The following GAS7 variants were observed in gnomAD, a reference collection of about 807,000 sequenced individuals.
The protein encoded by GAS7 is growth arrest-specific protein 7.
GAS7 carries 28 observed loss-of-function variants against 71.1 expected under a neutral mutation model. The observed-to-expected ratio is 0.39, with a 90% confidence interval of 0.29 to 0.54. The LOEUF (loss-of-function observed/expected upper bound fraction) is 0.54. Ranked by LOEUF, GAS7 falls within the 20% of genes least tolerant of loss-of-function variation. The pLI is 0.62. For synonymous variants in GAS7, 258 were observed against 245.8 expected (o/e 1.05, Z -0.46); for missense variants, 436 against 627.8 (o/e 0.69, Z 3.27).
At chr17:10,029,185 C>G (rs1234841261) in intron 1 of GAS7, among the ~76,000 whole-genome samples, 1 of 152,222 alleles carries the variant, frequency 6.6e-6, no homozygotes, top group African/African-American at 2.4e-5. Context: ...TCAAACTTCT[C>G]TGTAGCCACA....
chr17:10,117,855 G>GA (rs1289253785), intron 1 of GAS7, among the ~76,000 whole-genome samples: 1 of 152,152 alleles, frequency 6.6e-6, no homozygotes, highest in African/African-American at 2.4e-5. Context: ...GATCTGTTTT[G>GA]CAAGAAGGGC....
chr17:10,110,950 G>A (rs572756772), intron 1 of GAS7, among the ~76,000 whole-genome samples: 2 of 152,262 alleles, frequency 1.3e-5, no homozygotes, highest in South Asian at 4.1e-4. Flanking sequence ...TTCTATACAT[G>A]CAACCAAATA....
chr17:10,147,836 A>C (rs1415819160), intron 1 of GAS7, among the ~76,000 whole-genome samples: 1 of 152,194 alleles, frequency 6.6e-6, no homozygotes, highest in Non-Finnish European at 1.5e-5. Context: ...ATTTTTTAAA[A>C]CGGTGTGAAC....
rs550886930 is a variant in GAS7, at chr17:9,969,163, A to T, written c.471+514T>A. 8.0e-4 allele frequency among the ~76,000 whole-genome samples: 122 copies of T among 152,338 alleles called. 4 individuals carry two copies. The highest frequency in any genetic ancestry group is 9.7e-4 in the Non-Finnish European group (66 of 68,032). ...ACGCCTAACTCACATGTTTGCATAA[A>T]CATCAAGTAGGATGGAGACTGAGAA... On this transcript the variant is annotated intron_variant, in intron 4 of 13. Transcript: ENST00000432992. This position sits in a 1 kb window ranked among gnomAD's most constrained non-coding sequence, Gnocchi z 5.5.
chr17:10,014,056 C>T (rs1166440018), intron 2 of GAS7, among the ~76,000 whole-genome samples: 2 of 152,178 alleles, frequency 1.3e-5, no homozygotes, highest in African/African-American at 4.8e-5. Context: ...TAAGTCACAC[C>T]GTAGCCATCC....
Position 9,919,709 on chromosome 17 carries a change from G to GA in GAS7, c.1139-5dup, listed in dbSNP as rs1475835171. 2 of 1,607,892 alleles carry GA rather than the reference G, an allele frequency of 1.2e-6. No individual in the cohort carries two copies. The highest frequency in any genetic ancestry group is 2.2e-5 in the South Asian group (2 of 90,948). ...ACACAGCGCATGAGGTCGTCTCCTGGAAAAAGACCACAGTCACCATCATGA... is the reference window on the plus strand; with the variant it reads ...ACACAGCGCATGAGGTCGTCTCCTGGAAAAAAGACCACAGTCACCATCATGA... On this transcript the variant is annotated splice_polypyrimidine_tract_variant and splice_region_variant and intron_variant, in intron 11 of 13. Transcript: ENST00000432992. This position sits in a 1 kb window ranked among gnomAD's most constrained non-coding sequence, Gnocchi z 5.0.
intron 1 of GAS7, among the ~76,000 whole-genome samples, chr17:10,040,077 C>T (rs1024904875): frequency 2.6e-5 from 4 of 152,156 alleles, no homozygotes; most frequent in Non-Finnish European, 5.9e-5. Context: ...TCACTTTGGA[C>T]CAGGCGCTGT....
chr17:9,965,268 C>T lies in GAS7; in HGVS notation c.471+4409G>A, dbSNP rs181288214. ...TACAACAGCAAAGACTTGGAACCAA[C>T]CCAAATGCCCATCAATGATAGACTA... On this transcript the variant is annotated intron_variant, in intron 4 of 13. Transcript: ENST00000432992. 1.1e-3 allele frequency among the ~76,000 whole-genome samples: 160 copies of T among 146,980 alleles called. 2 individuals carry two copies. Among genetic ancestry groups the T allele is most frequent in the African/African-American group, 3.7e-3 (148 of 39,850 alleles).
Position 10,005,128 on chromosome 17 carries a change from A to T in GAS7, c.304+14649T>A, listed in dbSNP as rs1208349846. Among the ~76,000 whole-genome samples, 871 of 106,364 alleles carry T rather than the reference A, an allele frequency of 8.2e-3. 10 individuals carry two copies. The highest frequency in any genetic ancestry group is 0.065 in the East Asian group (275 of 4,254). 69.8% of individuals were successfully genotyped at this position (106,364 alleles called of 152,430 possible). ...ATGTGTGTGCGTGTGCACGCATACC[A>T]GCATGTGTGCGCGCACGCATGCATG... On this transcript the variant is annotated intron_variant, in intron 2 of 13. Coordinates refer to ENST00000432992, the MANE Select transcript of GAS7 (RefSeq NM_201433.2).
At chr17:10,048,280 T>G (rs1056860208) in intron 1 of GAS7, among the ~76,000 whole-genome samples, 1 of 152,236 alleles carries the variant, frequency 6.6e-6, no homozygotes, top group East Asian at 1.9e-4. Flanking sequence ...CTCGCGCCAT[T>G]GCAGTTGCGC....
chr17:10,124,160 C>T (rs918677934), intron 1 of GAS7, among the ~76,000 whole-genome samples: 4 of 152,242 alleles, frequency 2.6e-5, no homozygotes, highest in African/African-American at 9.6e-5. Flanking sequence ...GCGGGCTCCC[C>T]GCGCGGCTCC....
Position 10,046,852 on chromosome 17 carries a change from A to G in GAS7, c.184-26955T>C, listed in dbSNP as rs561241538. ...AGGAAGGAAGGAAGGAAGGAAAGAA[A>G]AGAAAAGAAAAAAGAAAAGAAAAGG... On this transcript the variant is annotated intron_variant, in intron 1 of 13. Coordinates refer to ENST00000432992, the MANE Select transcript of GAS7 (RefSeq NM_201433.2). Among the ~76,000 whole-genome samples the G allele has an allele frequency of 5.2e-4, 74 of 141,490 alleles. 16 individuals are homozygous for G. The highest frequency in any genetic ancestry group is 2.1e-3 in the African/African-American group (71 of 33,192). The allele number at this position is 141,490 out of a possible 152,430, so 92.8% of individuals were successfully genotyped here. A position where few individuals can be genotyped will look rare whatever the true frequency, so the allele number is the denominator to read the frequency against.
chr17:10,195,239 G>A (rs78369403), intron 1 of GAS7, among the ~76,000 whole-genome samples: 1 of 152,234 alleles, frequency 6.6e-6, no homozygotes, highest in African/African-American at 2.4e-5. Context: ...TCCTCCCAAG[G>A]GCTAGCTGGC....
chr17:10,129,907 C>T (rs183838508), intron 1 of GAS7, among the ~76,000 whole-genome samples: 1 of 152,314 alleles, frequency 6.6e-6, no homozygotes, highest in Non-Finnish European at 1.5e-5. Context: ...GGCATGGTGG[C>T]TCACGCCTGT....
At chr17:9,937,695 G>C (rs1287084845) in intron 8 of GAS7, among the ~76,000 whole-genome samples, 1 of 152,214 alleles carries the variant, frequency 6.6e-6, no homozygotes. Flanking sequence ...TCAGTCTCCT[G>C]AAGGATTTCA....
At chr17:10,118,527 A>G (rs1379884050) in intron 1 of GAS7, among the ~76,000 whole-genome samples, 1 of 152,114 alleles carries the variant, frequency 6.6e-6, no homozygotes, top group Non-Finnish European at 1.5e-5. Flanking sequence ...CCTGGCCAAC[A>G]CGGTAAAACC....
intron 2 of GAS7, among the ~76,000 whole-genome samples, chr17:10,017,133 A>AAAT (rs5819260): frequency 3.0e-5 from 4 of 132,496 alleles, no homozygotes; most frequent in South Asian, 2.3e-4. Flanking sequence ...CCTGTCTAAA[A>AAAT]AAATAAATAA....
chr17:10,116,894 G>A (rs1304873533), intron 1 of GAS7, among the ~76,000 whole-genome samples: 1 of 151,862 alleles, frequency 6.6e-6, no homozygotes, highest in Admixed American at 6.6e-5. Flanking sequence ...TGATGAGGGG[G>A]GGAAAAGAAA....
chr17:10,061,907 C>A (rs1344298974), intron 1 of GAS7, among the ~76,000 whole-genome samples: 1 of 152,282 alleles, frequency 6.6e-6, no homozygotes, highest in Middle Eastern at 3.4e-3. Context: ...TCCCCAGGGG[C>A]CAATGGGGCA....
Sources: allele counts gnomAD v4.1 joint callset (sites outside exome capture counted in the v4.1 genomes callset), GRCh38; gene constraint gnomAD v4.1.1; non-coding constraint Gnocchi (gnomAD v3.1); transcripts MANE v1.5; gene names NCBI Gene and HGNC (gene_info 2026-07-23, HGNC 2026-07-21).